Variants in ADGB observed in about 807,000 individuals in gnomAD.
ADGB encodes calpain-7-like protein.
A neutral mutation model predicts 210.5 loss-of-function variants in ADGB; 172 were observed. The observed-to-expected ratio is 0.82, with a 90% CI of 0.72 to 0.93. The LOEUF (loss-of-function observed/expected upper bound fraction) is 0.93, where lower values mean the gene tolerates loss of function less well. Among genes scored for constraint, ADGB ranks in the 40% least tolerant of loss-of-function variants. The probability of loss-of-function intolerance (pLI) is 0.00; values close to 1 mark genes in which losing one functional copy is unlikely to be tolerated. For missense variants in ADGB, 2,025 were observed against 1,964.8 expected, an observed-to-expected ratio of 1.03 and a Z score of -0.58; for synonymous variants, 658 against 662.7, an observed-to-expected ratio of 0.99 and a Z score of 0.11.
At chr6:146,632,497 G>A (rs1373961200) in intron 1 of ADGB, among the ~76,000 whole-genome samples, 3 of 152,014 alleles carry the variant, frequency 2.0e-5, no homozygotes, top group Non-Finnish European at 1.5e-5. Flanking sequence ...CAGTTTCCAG[G>A]GACTAAGATG....
chr6:146,634,183 G>C (rs548776091), intron 1 of ADGB, among the ~76,000 whole-genome samples: 1 of 152,094 alleles, frequency 6.6e-6, no homozygotes, highest in Non-Finnish European at 1.5e-5. Flanking sequence ...TTATAGCCTA[G>C]GAGCAATAGA....
At position 146,745,991 on chromosome 6, in the gene ADGB, C is replaced by A; in HGVS notation, c.3247C>A (p.Arg1083Ser). 1.3e-6 allele frequency: 2 copies of A among 1,551,190 alleles called. No individual in the cohort carries two copies. Among genetic ancestry groups the A allele is most frequent in the Non-Finnish European group, 8.7e-7 (1 of 1,146,720 alleles). ...TGTAGCAGCCTCACGATGGAAACTG[C>A]GTCTCATCGGTTCTTCTGCTCCACT... is the stretch of plus-strand genomic sequence containing the variant. ...TYVAASRWKL[R>S]LIGSSAPLPC... is the part of the protein sequence containing the mutation. The change falls in exon 26 of 36, where the codon CGT becomes AGT. Residue 1083 changes from arginine to serine, a missense_variant. Arg to Ser is a moderately radical substitution (Grantham distance 110). Transcript: ENST00000397944.
chr6:146,681,468 T>C (rs1183861237), intron 9 of ADGB, among the ~76,000 whole-genome samples: 1 of 152,138 alleles, frequency 6.6e-6, no homozygotes, highest in Non-Finnish European at 1.5e-5. Context: ...TATCTCTTTA[T>C]AGCCATGCAA....
chr6:146,662,161 G>T (rs77225922), intron 5 of ADGB, among the ~76,000 whole-genome samples: 2,295 of 152,082 alleles, frequency 0.015, 60 homozygotes, highest in African/African-American at 0.052. Context: ...TGAGTTTGTA[G>T]GTTTATGTCT....
At chr6:146,732,747 G>A (rs1304479668) in intron 20 of ADGB, among the ~76,000 whole-genome samples, 1 of 152,028 alleles carries the variant, frequency 6.6e-6, no homozygotes, top group East Asian at 1.9e-4. Context: ...TGTAGCATAT[G>A]AAATAATAGT....
intron 25 of ADGB, among the ~76,000 whole-genome samples, chr6:146,742,862 A>C (rs148849734): frequency 7.3e-4 from 111 of 152,272 alleles, no homozygotes; most frequent in African/African-American, 2.5e-3. Flanking sequence ...ACTTTCTTAA[A>C]ACACTATGAG....
At chr6:146,699,136 A>G (rs1274750812) in intron 12 of ADGB, among the ~76,000 whole-genome samples, 3 of 152,156 alleles carry the variant, frequency 2.0e-5, no homozygotes, top group African/African-American at 7.2e-5. Context: ...ACATAGATAT[A>G]GATAAAGATA....
intron 33 of ADGB, among the ~76,000 whole-genome samples, chr6:146,790,977 AT>A (rs1461119400): frequency 6.6e-6 from 1 of 152,074 alleles, no homozygotes; most frequent in Non-Finnish European, 1.5e-5. Flanking sequence ...TGTGTGGGTC[AT>A]TTGTGTCTCT....
chr6:146,749,538 A>C (rs1475267713), intron 26 of ADGB, among the ~76,000 whole-genome samples: 1 of 152,170 alleles, frequency 6.6e-6, no homozygotes, highest in East Asian at 1.9e-4. Flanking sequence ...AACACTGTCA[A>C]GTTCTCCTGA....
rs186628899 is a variant in ADGB at position 146,754,824 on chromosome 6, A to G, written c.3550+2110A>G. 1.0e-3 allele frequency among the ~76,000 whole-genome samples: 155 copies of G among 152,112 alleles called. 4 individuals carry two copies. The highest frequency in any genetic ancestry group is 1.2e-4 in the Non-Finnish European group (8 of 67,924). On this transcript the variant is annotated intron_variant, in intron 27 of 35. Transcript: ENST00000397944. ...TTGATTACTGTCCCACTGAGGTTTA[A>G]AAAGAATTCTATTTTGGAGGTAGTT... is the stretch of plus-strand genomic sequence containing the variant.
chr6:146,725,143 T>C (rs1363897496), intron 18 of ADGB: 1 of 152,248 alleles, frequency 6.6e-6, no homozygotes, highest in African/African-American at 2.4e-5. Flanking sequence ...CTCCCCTTTA[T>C]ACTCCAGCAA....
chr6:146,713,896 G>A (rs778424642), intron 13 of ADGB, among the ~76,000 whole-genome samples: 9 of 151,920 alleles, frequency 5.9e-5, no homozygotes, highest in Non-Finnish European at 8.8e-5. Flanking sequence ...GTCTGTATCC[G>A]CTTCAGTGCC....
At chr6:146,691,461 AATATATATATATATAAAT>A (rs1776320338) in intron 11 of ADGB, among the ~76,000 whole-genome samples, 171 bp downstream of exon 11, 3 of 18,242 alleles carry the variant, frequency 1.6e-4, no homozygotes, top group Non-Finnish European at 2.5e-4. Flanking sequence ...TATATATAAA[AATATATATATATATAAAT>A]ATATATATAT....
chr6:146,672,464 A>G lies in ADGB; in HGVS notation c.1084A>G (p.Lys362Glu), dbSNP rs1348070313. 10 of 1,540,186 alleles carry G rather than the reference A, an allele frequency of 6.5e-6. No individual in the cohort carries two copies. In the East Asian group the frequency reaches 2.2e-4, roughly 34 times the overall value. The change falls in exon 8 of 36, where the codon AAG becomes GAG. Residue 362 changes from lysine to glutamate, a missense_variant. Physicochemically the swap from Lys to Glu is moderately conservative, Grantham distance 56. Coordinates refer to ENST00000397944, the MANE Select transcript of ADGB (RefSeq NM_024694.4). ...KAPEKSDKVP[K>E]EKADARDIGK... ...TCCTGAGAAAAGCGACAAAGTTCCAAAGGGTAAGATATTTTACATCAAAAT... is the reference window on the plus strand; with the variant it reads ...TCCTGAGAAAAGCGACAAAGTTCCAGAGGGTAAGATATTTTACATCAAAAT...
chr6:146,722,066 G>C (rs187721577), intron 17 of ADGB, among the ~76,000 whole-genome samples: 1 of 152,092 alleles, frequency 6.6e-6, no homozygotes, highest in Admixed American at 6.5e-5. Flanking sequence ...TAGTGTTGTA[G>C]TTGTTGACCT....
chr6:146,699,124 C>T (rs961655758), intron 12 of ADGB, among the ~76,000 whole-genome samples: 8 of 151,864 alleles, frequency 5.3e-5, no homozygotes, highest in African/African-American at 1.5e-4. Context: ...ATATAGACAT[C>T]GACATAGATA....
chr6:146,725,976 C>T, intron 18 of ADGB, 107 bp from the exon 19 acceptor site: 1 of 632,450 alleles, frequency 1.6e-6, no homozygotes, highest in Non-Finnish European at 2.8e-6. Flanking sequence ...GAACTCTTCC[C>T]TAACCTTTTA....
chr6:146,758,906 T>C (rs1040276680), intron 27 of ADGB, among the ~76,000 whole-genome samples: 2 of 151,996 alleles, frequency 1.3e-5, no homozygotes, highest in African/African-American at 2.4e-5. Context: ...GATAGAACTA[T>C]TATTGTACAT....
intron 3 of ADGB, among the ~76,000 whole-genome samples, chr6:146,653,009 C>G (rs1301565610): frequency 6.6e-6 from 1 of 152,184 alleles, no homozygotes; most frequent in Non-Finnish European, 1.5e-5. Flanking sequence ...TCTGTACTCA[C>G]AGACGCTCCA....
Sources: allele counts gnomAD v4.1 joint callset (sites outside exome capture counted in the v4.1 genomes callset), GRCh38; gene constraint gnomAD v4.1.1; transcripts MANE v1.5; gene names NCBI Gene and HGNC (gene_info 2026-07-23, HGNC 2026-07-21).